FBXO43: variants seen among roughly 807,000 people sequenced by gnomAD.
FBXO43 encodes the protein F-box protein 43, also known as F-box only protein 43.
Under a neutral mutation model 56.7 loss-of-function variants are expected in FBXO43, and 22 were observed. The observed-to-expected ratio is 0.39, with a 90% CI of 0.28 to 0.55. The LOEUF (loss-of-function observed/expected upper bound fraction) is 0.55. FBXO43 is among the 20% of genes least tolerant of loss of function. The pLI is 0.66. For synonymous variants in FBXO43, 306 were observed against 294.5 expected (o/e 1.04, Z -0.40); for missense variants, 733 against 814.9 (o/e 0.90, Z 1.22).
intron 1 of FBXO43, 49 bp downstream of exon 1, chr8:100,145,000 TAC>T: frequency 1.3e-6 from 2 of 1,546,868 alleles, no homozygotes; most frequent in Non-Finnish European, 8.7e-7. Context: ...GAGAATGAAG[TAC>T]TTACATTAAA....
intron 1 of FBXO43, among the ~76,000 whole-genome samples, chr8:100,143,954 TAG>T (rs1814737309): frequency 6.6e-6 from 1 of 152,134 alleles, no homozygotes; most frequent in African/African-American, 2.4e-5. Flanking sequence ...GTATTTTTAG[TAG>T]AGACGGGCTT....
Position 100,141,256 on chromosome 8 carries a change from T to C in FBXO43, c.998A>G (p.Asp333Gly). ...EVRGSISTPE[D>G]SGFNSLSLEK... Reference sequence around the variant, plus strand: ...CAAGCTAAGTGAGTTAAAACCACTGTCTTCAGGCGTTGAAATACTGCCTCT... The same window carrying C: ...CAAGCTAAGTGAGTTAAAACCACTGCCTTCAGGCGTTGAAATACTGCCTCT... Residue 333 changes from aspartate to glycine, a missense_variant, in exon 2 of 5, where the codon GAC becomes GGC. By Grantham distance (94) the Asp-to-Gly change is moderately conservative (BLOSUM62 -1). Coordinates refer to ENST00000428847, the MANE Select transcript of FBXO43 (RefSeq NM_001029860.4). 6.2e-7 allele frequency: 1 copy of C among 1,614,134 alleles called. No homozygotes were observed. The highest frequency in any genetic ancestry group is 8.5e-7 in the Non-Finnish European group (1 of 1,179,992).
intron 1 of FBXO43, among the ~76,000 whole-genome samples, chr8:100,143,569 C>T (rs1329889346): frequency 6.6e-6 from 1 of 152,194 alleles, no homozygotes; most frequent in Non-Finnish European, 1.5e-5. Flanking sequence ...TGCACATGGT[C>T]ACAAACCAAA....
At chr8:100,138,161 TATTTC>T (rs1274656382) in intron 2 of FBXO43, among the ~76,000 whole-genome samples, 3 of 152,230 alleles carry the variant, frequency 2.0e-5, no homozygotes, top group Non-Finnish European at 4.4e-5. Context: ...ACAGAGTTCC[TATTTC>T]ATTAACCAAA....
rs750872119 is a variant in FBXO43, at chr8:100,134,256, GCT to G, written c.1781_1782del (p.Glu594AlafsTer25). ...AQARIPGSQR[E>X]QGSTLSPWGE... is the part of the protein sequence containing the mutation. ...CCCCAGGGAGATAATGTTGACCCTT[GCT>G]CTCTCTGAGAACCAGGTATCCTAGC... On this transcript the variant is annotated frameshift_variant, in exon 4 of 5. Transcript: ENST00000428847. LOFTEE classifies it high-confidence loss of function. 1 of 1,613,980 alleles carries G rather than the reference GCT, an allele frequency of 6.2e-7. No individual in the cohort carries two copies. The highest frequency in any genetic ancestry group is 8.5e-7 in the Non-Finnish European group (1 of 1,180,020).
chr8:100,145,193 G>A lies in FBXO43; in HGVS notation c.-58C>T. The stretch of plus-strand genomic sequence containing the variant: ...TAGTTTGCACAATTAATTGAAAGGT[G>A]CAGCAGCATCATGATTGCTCAAAGT... On this transcript the variant is annotated 5_prime_UTR_variant, in exon 1 of 5. Coordinates refer to ENST00000428847, the MANE Select transcript of FBXO43 (RefSeq NM_001029860.4). 2 of 1,461,686 alleles carry A rather than the reference G, an allele frequency of 1.4e-6. No individual in the cohort carries two copies. Among genetic ancestry groups the A allele is most frequent in the Non-Finnish European group, 1.9e-6 (2 of 1,066,636 alleles). The allele number at this position is 1,461,686 out of a possible 1,614,324, so 90.5% of individuals were successfully genotyped here. A position where few individuals can be genotyped will look rare whatever the true frequency, so the allele number is the denominator to read the frequency against.
rs1228709642 is a variant in FBXO43, at chr8:100,134,378, C to T, written c.1675-14G>A. ...TAATACAGCCCCCTGTGGTAAAGGA[C>T]AAGAGGCATCAATACTGCAATACCA... On this transcript the variant is annotated splice_polypyrimidine_tract_variant and intron_variant, in intron 3 of 4. Transcript: ENST00000428847. 1 of 1,609,120 alleles carries T rather than the reference C, an allele frequency of 6.2e-7. No homozygotes were observed. Among genetic ancestry groups the T allele is most frequent in the East Asian group, 2.2e-5 (1 of 44,854 alleles).
Position 100,142,058 on chromosome 8 carries a change from C to T in FBXO43, c.196G>A (p.Asp66Asn). 4 of 1,613,908 alleles carry T rather than the reference C, an allele frequency of 2.5e-6. No individual in the cohort carries two copies. Among genetic ancestry groups the T allele is most frequent in the Non-Finnish European group, 2.5e-6 (3 of 1,179,936 alleles). The change falls in exon 2 of 5, where the codon GAT (aspartate) becomes AAT (asparagine). Residue 66 changes from aspartate to asparagine, a missense_variant. By Grantham distance (23) the Asp-to-Asn change is conservative (BLOSUM62 1). Coordinates refer to ENST00000428847, the MANE Select transcript of FBXO43 (RefSeq NM_001029860.4). Reference sequence around the variant, plus strand: ...TGAAATGAAGATGTGGAACAAAAATCTCTGAAGGTGGAGTACTTGGAGTTG... The same window carrying T: ...TGAAATGAAGATGTGGAACAAAAATTTCTGAAGGTGGAGTACTTGGAGTTG... The part of the protein sequence containing the change: ...IVNSKYSTFR[D>N]FCSTSSFQDS...
At chr8:100,138,996 A>C (rs973217366) in intron 2 of FBXO43, among the ~76,000 whole-genome samples, 29 of 152,342 alleles carry the variant, frequency 1.9e-4, no homozygotes, top group African/African-American at 6.7e-4. Context: ...ATCCTACTTA[A>C]GATACACCAA....
chr8:100,135,410 A>G (rs1334435552), intron 3 of FBXO43, among the ~76,000 whole-genome samples: 1 of 152,228 alleles, frequency 6.6e-6, no homozygotes, highest in South Asian at 2.1e-4. Flanking sequence ...GTCTTGATGG[A>G]TCAAGAATCA....
intron 3 of FBXO43, among the ~76,000 whole-genome samples, chr8:100,136,171 CA>C (rs774371804): frequency 1.3e-5 from 2 of 152,172 alleles, no homozygotes; most frequent in Non-Finnish European, 2.9e-5. Flanking sequence ...CCAGAGCCAG[CA>C]GCTGCAGAAG....
chr8:100,143,901 G>A (rs1814734994), intron 1 of FBXO43, among the ~76,000 whole-genome samples: 1 of 152,068 alleles, frequency 6.6e-6, no homozygotes. Flanking sequence ...CTTCCCCACT[G>A]ACTGGGATTA....
At chr8:100,146,549 T>A (rs1197988614), upstream of FBXO43, among the ~76,000 whole-genome samples, 3 of 152,182 alleles carry the variant, frequency 2.0e-5, no homozygotes, top group African/African-American at 4.8e-5. Flanking sequence ...CCAAATAAAT[T>A]TTTTAAACCC....
chr8:100,138,862 AC>A (rs1410467253), intron 2 of FBXO43, among the ~76,000 whole-genome samples: 1 of 152,008 alleles, frequency 6.6e-6, no homozygotes, highest in Non-Finnish European at 1.5e-5. Context: ...ATGTAGTAAG[AC>A]CCCATCCATA....
rs779396084 is a variant in FBXO43 at position 100,141,954 on chromosome 8, G to A, written c.300C>T (p.Gly100=). The change falls in exon 2 of 5, where the codon GGC becomes GGT. Residue 100 remains glycine, a synonymous_variant. Coordinates refer to ENST00000428847, the MANE Select transcript of FBXO43 (RefSeq NM_001029860.4). ...CAGGGTGCTCATAGAGTAATGTTGGGCCTTTTTCTTTCTTTCCAAGATATT... is the reference window on the plus strand; with the variant it reads ...CAGGGTGCTCATAGAGTAATGTTGGACCTTTTTCTTTCTTTCCAAGATATT... ...DKEYLGKKEK[G]PTLLYEHPET... is the part of the protein sequence containing the mutation. The A allele has an allele frequency of 6.2e-6, 10 of 1,605,092 alleles. No homozygotes were observed. The highest frequency in any genetic ancestry group is 8.5e-6 in the Non-Finnish European group (10 of 1,176,578).
At chr8:100,146,282 G>A (rs1814829767), upstream of FBXO43, among the ~76,000 whole-genome samples, 1 of 152,110 alleles carries the variant, frequency 6.6e-6, no homozygotes, top group Non-Finnish European at 1.5e-5. Context: ...TTCTTCTCAT[G>A]TTTCAACAAT....
intron 3 of FBXO43, among the ~76,000 whole-genome samples, chr8:100,134,660 T>C (rs1814416046): frequency 6.7e-6 from 1 of 149,962 alleles, no homozygotes; most frequent in Admixed American, 6.6e-5. Context: ...AAACCTTTCC[T>C]GCAAAAGGAC....
Position 100,144,628 on chromosome 8 carries a change from G to GAAA in FBXO43, c.85+420_85+422dup, listed in dbSNP as rs912423794. 1.7e-3 allele frequency among the ~76,000 whole-genome samples: 188 copies of GAAA among 113,296 alleles called. 1 individual carries two copies. Among genetic ancestry groups the GAAA allele is most frequent in the African/African-American group, 5.0e-3 (166 of 32,894 alleles). The allele number at this position is 113,296 out of a possible 152,430, so 74.3% of individuals were successfully genotyped here. A position where few individuals can be genotyped will look rare whatever the true frequency, so the allele number is the denominator to read the frequency against. ...AACTTATTCCTAAAGTGTTCTTTAA[G>GAAA]AAAAAAAAAAAAAAAAGCAGCGGCC... is the stretch of plus-strand genomic sequence containing the variant. On this transcript the variant is annotated intron_variant, in intron 1 of 4. Coordinates refer to ENST00000428847, the MANE Select transcript of FBXO43 (RefSeq NM_001029860.4).
chr8:100,141,463 T>C lies in FBXO43; in HGVS notation c.791A>G (p.His264Arg), dbSNP rs888202529. 2 of 1,613,214 alleles carry C rather than the reference T, an allele frequency of 1.2e-6. No individual in the cohort carries two copies. Among genetic ancestry groups the C allele is most frequent in the African/African-American group, 1.3e-5 (1 of 74,942 alleles). The change falls in exon 2 of 5, where the codon CAT (histidine) becomes CGT (arginine). Residue 264 changes from histidine to arginine, a missense_variant. By Grantham distance (29) the His-to-Arg change is conservative (BLOSUM62 0). Coordinates refer to ENST00000428847, the MANE Select transcript of FBXO43 (RefSeq NM_001029860.4). ...GCATAAACTGCTATCACTAAAGTCATGTGTGATAGAGTCTTTAAAATTATT... is the reference window on the plus strand; with the variant it reads ...GCATAAACTGCTATCACTAAAGTCACGTGTGATAGAGTCTTTAAAATTATT... ...QGNNFKDSIT[H>R]DFSDSSLCIN...
Sources: allele counts gnomAD v4.1 joint callset (sites outside exome capture counted in the v4.1 genomes callset), GRCh38; gene constraint gnomAD v4.1.1; transcripts MANE v1.5; gene names NCBI Gene and HGNC (gene_info 2026-07-23, HGNC 2026-07-21).